Variants in CD109 observed in about 807,000 individuals in gnomAD.
CD109 encodes CD109 molecule.
In CD109, 149 loss-of-function variants were observed where a neutral mutation model predicts 165.8. The ratio of observed to expected loss-of-function variants is 0.90; its 90% CI spans 0.79 to 1.03. CD109 has a LOEUF of 1.03. CD109 is among the 50% of genes least tolerant of loss of function. The pLI, the probability that CD109 is intolerant of heterozygous loss-of-function variation, is 0.00. For missense variants in CD109, 1,712 were observed against 1,677.8 expected, an observed-to-expected ratio of 1.02 and a Z score of -0.36; for synonymous variants, 585 against 592.1, an observed-to-expected ratio of 0.99 and a Z score of 0.18.
At chr6:73,782,394 C>T (rs1774540621) in intron 17 of CD109, among the ~76,000 whole-genome samples, 1 of 152,206 alleles carries the variant, frequency 6.6e-6, no homozygotes, top group Admixed American at 6.5e-5. Flanking sequence ...TTGATGCCCA[C>T]TGTAATACCC....
At chr6:73,769,762 G>A (rs1773972515) in intron 14 of CD109, among the ~76,000 whole-genome samples, 1 of 152,194 alleles carries the variant, frequency 6.6e-6, no homozygotes, top group African/African-American at 2.4e-5. Context: ...CTGAGGTACA[G>A]AGTATAGAGT....
intron 5 of CD109, among the ~76,000 whole-genome samples, chr6:73,739,001 G>C (rs1281913486): frequency 6.6e-6 from 1 of 152,174 alleles, no homozygotes; most frequent in Admixed American, 6.5e-5. Context: ...AGTAGCCTTT[G>C]TAAAGCTGGT....
rs766968833 is a variant in CD109 at position 73,781,261 on chromosome 6, A to G, written c.1905A>G (p.Glu635=). The change falls in exon 17 of 33, where the codon GAA becomes GAG. Residue 635 remains glutamate, a splice_region_variant and synonymous_variant. Coordinates refer to ENST00000287097, the MANE Select transcript of CD109 (RefSeq NM_133493.5). ...MFMNSFAVFQ[E]CGLWVLTDAN... The stretch of plus-strand genomic sequence containing the variant: ...AAAATAAAAATTATTCTTTTTAGGA[A>G]TGTGGACTCTGGGTATTGACAGATG... 2.5e-6 allele frequency: 4 copies of G among 1,611,116 alleles called. No homozygotes were observed. The highest frequency in any genetic ancestry group is 3.4e-6 in the Non-Finnish European group (4 of 1,177,652).
chr6:73,787,717 C>T (rs568736891), intron 21 of CD109, among the ~76,000 whole-genome samples: 4 of 152,014 alleles, frequency 2.6e-5, no homozygotes, highest in East Asian at 1.9e-4. Flanking sequence ...GACTGTGTTA[C>T]GTTGGGATCC....
intron 5 of CD109, among the ~76,000 whole-genome samples, chr6:73,745,736 T>A (rs932926216): frequency 1.3e-5 from 2 of 152,160 alleles, no homozygotes; most frequent in Non-Finnish European, 2.9e-5. Flanking sequence ...AATTTTTTGT[T>A]GTTTGTTTTT....
At chr6:73,818,367 C>T in intron 30 of CD109, 21 bp from the exon 31 acceptor site, 1 of 1,613,240 alleles carries the variant, frequency 6.2e-7, no homozygotes, top group Non-Finnish European at 8.5e-7. Flanking sequence ...AGTTTTCATT[C>T]ATCCTCCCTC....
chr6:73,766,071 A>C lies in CD109; in HGVS notation c.1249A>C (p.Lys417Gln), dbSNP rs1425800640. 1.2e-6 allele frequency: 2 copies of C among 1,614,104 alleles called. No homozygotes were observed. Among genetic ancestry groups the C allele is most frequent in the Non-Finnish European group, 1.7e-6 (2 of 1,179,986 alleles). ...SGNQKMEAVQ[K>Q]INYTVPQSGT... ...AAATCAGAAAATGGAAGCTGTTCAG[A>C]AAATAAATTATACTGTCCCCCAAAG... The change falls in exon 11 of 33, where the codon AAA (lysine) becomes CAA (glutamine). Residue 417 changes from lysine (K) to glutamine (Q), a missense_variant. By Grantham distance (53) the Lys-to-Gln change is moderately conservative. Transcript: ENST00000287097.
Position 73,762,780 on chromosome 6 carries a change from A to T in CD109, c.895A>T (p.Met299Leu). ...AAACTTCTCTTTTAATGATGAAGAG[A>T]TGAAAAATGTAATGGATTCTTCAAA... ...SANFSFNDEE[M>L]KNVMDSSNGL... The change falls in exon 9 of 33, where the codon ATG (methionine) becomes TTG (leucine). Residue 299 changes from methionine to leucine, a missense_variant. Coordinates refer to ENST00000287097, the MANE Select transcript of CD109 (RefSeq NM_133493.5). 2 of 1,608,704 alleles carry T rather than the reference A, an allele frequency of 1.2e-6. No individual in the cohort carries two copies. Among genetic ancestry groups the T allele is most frequent in the Non-Finnish European group, 1.7e-6 (2 of 1,175,630 alleles).
At position 73,697,349 on chromosome 6, in the gene CD109, G is replaced by A. The variant is rs188404601; in HGVS notation, c.75-51G>A. 3,360 of 1,549,298 alleles carry A rather than the reference G, an allele frequency of 2.2e-3. 6 individuals are homozygous for A. Among genetic ancestry groups the A allele is most frequent in the Middle Eastern group, 9.1e-3 (41 of 4,500 alleles). ...GGAAATCTGAGGGTCACAAAAGAAAGGAGATGTGAGGATAAGAAACTTTGT... is the reference window on the plus strand; with the variant it reads ...GGAAATCTGAGGGTCACAAAAGAAAAGAGATGTGAGGATAAGAAACTTTGT... On this transcript the variant is annotated intron_variant, in intron 1 of 32. Transcript: ENST00000287097.
intron 2 of CD109, among the ~76,000 whole-genome samples, chr6:73,721,848 T>G (rs886625789): frequency 6.6e-6 from 1 of 152,112 alleles, no homozygotes; most frequent in Non-Finnish European, 1.5e-5. Context: ...GCAATCCTCC[T>G]TCCTCAGCTT....
intron 15 of CD109, among the ~76,000 whole-genome samples, chr6:73,778,027 C>A (rs534190252): frequency 6.6e-6 from 1 of 152,300 alleles, no homozygotes; most frequent in African/African-American, 2.4e-5. Flanking sequence ...AATATTGATT[C>A]TTCCTATCCA....
upstream of CD109, among the ~76,000 whole-genome samples, chr6:73,692,605 G>A (rs1412528330): frequency 1.3e-5 from 2 of 152,000 alleles, no homozygotes; most frequent in South Asian, 2.1e-4. Flanking sequence ...TTATAAAACA[G>A]ACTTCCCCTC....
At position 73,787,230 on chromosome 6, in the gene CD109, TCAGG is replaced by T. The variant is rs1409295693; in HGVS notation, c.2338-3_2338del. Reference sequence around the variant, plus strand: ...AAAAGCTTTGATTTATTTTTTTCTTTCAGGTTAAGGTAATCATTGAGAAAAGTGA... The same window carrying T: ...AAAAGCTTTGATTTATTTTTTTCTTTTTAAGGTAATCATTGAGAAAAGTGA... On this transcript the variant is annotated splice_acceptor_variant and splice_polypyrimidine_tract_variant and coding_sequence_variant and intron_variant, in exon 21 of 33. Coordinates refer to ENST00000287097, the MANE Select transcript of CD109 (RefSeq NM_133493.5). LOFTEE classifies it high-confidence loss of function. 1 of 1,585,720 alleles carries T rather than the reference TCAGG, an allele frequency of 6.3e-7. No individual in the cohort carries two copies. The highest frequency in any genetic ancestry group is 1.1e-5 in the South Asian group (1 of 89,632).
intron 26 of CD109, among the ~76,000 whole-genome samples, chr6:73,809,063 A>AT (rs2150297743): frequency 6.6e-6 from 1 of 152,102 alleles, no homozygotes; most frequent in Non-Finnish European, 1.5e-5. Context: ...AGTCTTTGAC[A>AT]TTTTTTCTTC....
chr6:73,708,768 C>T (rs72493026), intron 2 of CD109, among the ~76,000 whole-genome samples: 7,736 of 152,260 alleles, frequency 0.051, 210 homozygotes, highest in Middle Eastern at 0.11. Flanking sequence ...AGCATTTTTC[C>T]ATGTGTTTTT....
At chr6:73,763,034 C>T in intron 9 of CD109, 152 bp downstream of exon 9, 1 of 698,206 alleles carries the variant, frequency 1.4e-6, no homozygotes, top group South Asian at 2.8e-5. Context: ...GTCTAAGTTG[C>T]AGGATGATTT....
At chr6:73,718,477 C>A (rs976988733) in intron 2 of CD109, among the ~76,000 whole-genome samples, 1 of 151,764 alleles carries the variant, frequency 6.6e-6, no homozygotes, top group African/African-American at 2.4e-5. Flanking sequence ...TGAATTTTAT[C>A]AAATTTTTTT....
In CD109 at chr6:73,810,014, C is replaced by T; in HGVS notation, c.3386C>T (p.Ser1129Phe). Residue 1129 changes from serine (S) to phenylalanine (F), a missense_variant, in exon 27 of 33, where the codon TCC becomes TTC. By Grantham distance (155) the Ser-to-Phe change is radical. Transcript: ENST00000287097. ...GGMQFWVSSE[S>F]KLSDSWQPRS... ...ATGCAATTCTGGGTGTCATCAGAGT[C>T]CAAACTTTCTGACTCCTGGCAGCCA... The T allele has an allele frequency of 6.3e-7, 1 of 1,593,178 alleles. No individual in the cohort carries two copies. The highest frequency in any genetic ancestry group is 2.3e-5 in the East Asian group (1 of 42,624).
At chr6:73,773,250 A>T (rs982656634) in intron 15 of CD109, among the ~76,000 whole-genome samples, 66 of 150,420 alleles carry the variant, frequency 4.4e-4, no homozygotes, top group African/African-American at 1.5e-3. Flanking sequence ...TTTACATTAA[A>T]TTTTTTCAGA....
Sources: gnomAD v4.1 joint callset for allele counts (sites outside exome capture counted in the v4.1 genomes callset) on GRCh38, gnomAD v4.1.1 for gene constraint, MANE v1.5 for transcripts, NCBI Gene and HGNC (gene_info 2026-07-23, HGNC 2026-07-21) for gene names.